CCDC68: variants seen among roughly 807,000 people sequenced by gnomAD.
CCDC68 encodes the protein coiled-coil domain containing 68, also known as coiled-coil domain-containing protein 68.
Under a neutral mutation model 47.1 loss-of-function variants are expected in CCDC68, and 45 were observed. The ratio of observed to expected loss-of-function variants is 0.96; its 90% confidence interval spans 0.75 to 1.23. The LOEUF (loss-of-function observed/expected upper bound fraction) is 1.23. Ranked by LOEUF, CCDC68 falls within the 50% of genes most tolerant of loss-of-function variation. The probability of loss-of-function intolerance (pLI) is 0.00; values close to 1 mark genes in which losing one functional copy is unlikely to be tolerated. For missense variants in CCDC68, 353 were observed against 373.6 expected (o/e 0.94, Z 0.45); for synonymous variants, 131 against 129.5 (o/e 1.01, Z -0.08).
chr18:54,940,962 T>C, intron 4 of CCDC68, 35 bp downstream of exon 4: 1 of 1,457,580 alleles, frequency 6.9e-7, no homozygotes, highest in Non-Finnish European at 9.5e-7. Flanking sequence ...AAAGTCTAAA[T>C]GGCTTTATGC....
chr18:54,935,198 C>T (rs2044323750), intron 6 of CCDC68, among the ~76,000 whole-genome samples: 1 of 152,080 alleles, frequency 6.6e-6, no homozygotes. Context: ...AGCATACTTC[C>T]TGAACAGGTA....
chr18:54,954,054 T>A (rs1186240244), intron 1 of CCDC68, among the ~76,000 whole-genome samples: 1 of 140,028 alleles, frequency 7.1e-6, no homozygotes, highest in Admixed American at 7.0e-5. Context: ...CTTTCTTTCT[T>A]TCTTTTTTTT....
intron 1 of CCDC68, among the ~76,000 whole-genome samples, chr18:54,946,394 G>A (rs2044528062): frequency 6.6e-6 from 1 of 152,224 alleles, no homozygotes; most frequent in South Asian, 2.1e-4. Context: ...TGGGAAAATA[G>A]AGGCAAGCAA....
chr18:54,945,967 A>C (rs2145608600), intron 1 of CCDC68, among the ~76,000 whole-genome samples: 1 of 152,334 alleles, frequency 6.6e-6, no homozygotes, highest in East Asian at 1.9e-4. Context: ...AGCTCAATCC[A>C]GTTTCCCTCC....
intron 2 of CCDC68, chr18:54,943,006 A>T (rs2044464195): frequency 2.7e-6 from 1 of 372,562 alleles, no homozygotes; most frequent in Non-Finnish European, 4.8e-6. Flanking sequence ...TTAATTAAAA[A>T]TTTAACATTT....
intron 6 of CCDC68, 110 bp from the exon 7 acceptor site, chr18:54,935,058 A>G (rs1348020475): frequency 2.5e-6 from 2 of 800,908 alleles, no homozygotes; most frequent in African/African-American, 3.6e-5. Flanking sequence ...CAGAATTCAT[A>G]CTTGTTTAGA....
At chr18:54,929,436 G>T (rs551590635) in intron 7 of CCDC68, among the ~76,000 whole-genome samples, 50 of 152,294 alleles carry the variant, frequency 3.3e-4, no homozygotes, top group African/African-American at 1.2e-3. Context: ...TGCTAGGAAA[G>T]AATATCTTTT....
At chr18:54,932,858 C>T (rs1308482916) in intron 7 of CCDC68, among the ~76,000 whole-genome samples, 1 of 152,216 alleles carries the variant, frequency 6.6e-6, no homozygotes, top group Admixed American at 6.5e-5. Flanking sequence ...CTGGGAAGTT[C>T]CTTGAGCCTC....
At chr18:54,938,138 T>A (rs2044380489) in intron 4 of CCDC68, 41 bp from the exon 5 acceptor site, 6 of 1,575,632 alleles carry the variant, frequency 3.8e-6, no homozygotes, top group Non-Finnish European at 5.2e-6. Flanking sequence ...GACTATCTTT[T>A]CCTCTACAAA....
At chr18:54,930,410 T>C (rs1445760970) in intron 7 of CCDC68, among the ~76,000 whole-genome samples, 1 of 152,182 alleles carries the variant, frequency 6.6e-6, no homozygotes, top group Non-Finnish European at 1.5e-5. Context: ...CTGGCACATA[T>C]TTGGACCTCA....
At chr18:54,917,879 T>A (rs762371053) in intron 10 of CCDC68, 34 bp downstream of exon 10, 2 of 1,243,516 alleles carry the variant, frequency 1.6e-6, no homozygotes, top group Non-Finnish European at 2.4e-6. Flanking sequence ...ACTCACACCC[T>A]CACAACAAAA....
intron 11 of CCDC68, among the ~76,000 whole-genome samples, chr18:54,904,745 C>T (rs1913889443): frequency 6.6e-6 from 1 of 152,150 alleles, no homozygotes; most frequent in Non-Finnish European, 1.5e-5. Context: ...GATGACAAAA[C>T]ACAAATCAAC....
intron 11 of CCDC68, among the ~76,000 whole-genome samples, chr18:54,905,084 A>G (rs1346081846): frequency 6.6e-6 from 1 of 151,780 alleles, no homozygotes; most frequent in Non-Finnish European, 1.5e-5. Flanking sequence ...CCATAGCAAG[A>G]TGCTGTTTTC....
intron 6 of CCDC68, 98 bp from the exon 7 acceptor site, chr18:54,935,046 T>A: frequency 3.2e-6 from 3 of 930,482 alleles, no homozygotes; most frequent in East Asian, 3.1e-5. Context: ...GCCAAAAAAA[T>A]TCAGAATTCA....
intron 7 of CCDC68, among the ~76,000 whole-genome samples, chr18:54,934,572 A>G (rs2044312381): frequency 6.6e-6 from 1 of 152,210 alleles, no homozygotes; most frequent in Non-Finnish European, 1.5e-5. Context: ...CTAGAAAGAG[A>G]AAGTGACAAA....
intron 8 of CCDC68, among the ~76,000 whole-genome samples, chr18:54,926,506 A>G (rs921834916): frequency 2.6e-5 from 4 of 152,214 alleles, no homozygotes; most frequent in African/African-American, 7.2e-5. Context: ...GATTATGGGA[A>G]CTACAATTCA....
At chr18:54,942,619 T>C (rs928010772) in intron 3 of CCDC68, 56 bp downstream of exon 3, 14 of 1,064,450 alleles carry the variant, frequency 1.3e-5, no homozygotes, top group African/African-American at 1.3e-4. Context: ...CCAGCCCATA[T>C]TGGAATTTCT....
chr18:54,916,046 C>CT (rs1369558507), intron 10 of CCDC68, among the ~76,000 whole-genome samples: 1 of 152,062 alleles, frequency 6.6e-6, no homozygotes, highest in Non-Finnish European at 1.5e-5. Context: ...GAAGAAATGT[C>CT]TTTAGAGAAC....
chr18:54,929,146 G>C (rs1488231771), intron 7 of CCDC68, among the ~76,000 whole-genome samples: 1 of 152,150 alleles, frequency 6.6e-6, no homozygotes, highest in African/African-American at 2.4e-5. Flanking sequence ...CCCATAGCCT[G>C]TTCAGCTCAA....
Sources: gnomAD v4.1 joint callset for allele counts (sites outside exome capture counted in the v4.1 genomes callset) on GRCh38, gnomAD v4.1.1 for gene constraint, MANE v1.5 for transcripts, NCBI Gene and HGNC (gene_info 2026-07-23, HGNC 2026-07-21) for gene names.